The following STK35 variants were observed in gnomAD, a reference collection of about 807,000 sequenced individuals.
STK35 encodes serine/threonine kinase 35, also known as serine/threonine-protein kinase 35.
Under a neutral mutation model 37.3 loss-of-function variants are expected in STK35, and 17 were observed. That is an observed-to-expected ratio of 0.46 (90% CI 0.31 to 0.68). The LOEUF (loss-of-function observed/expected upper bound fraction) is 0.68, where lower values mean the gene tolerates loss of function less well. Ranked by LOEUF, STK35 falls within the 30% of genes least tolerant of loss-of-function variation. The probability of loss-of-function intolerance (pLI) is 0.05; values close to 1 mark genes in which losing one functional copy is unlikely to be tolerated. For synonymous variants in STK35, 385 were observed against 319.1 expected, an observed-to-expected ratio of 1.21 and a Z score of -2.20; for missense variants, 595 against 746.7, an observed-to-expected ratio of 0.80 and a Z score of 2.37.
chr20:2,132,223 C>T (rs766319155), intron 3 of STK35, among the ~76,000 whole-genome samples: 62 of 152,362 alleles, frequency 4.1e-4, no homozygotes, highest in Admixed American at 2.2e-3. Flanking sequence ...ATGCACCGCA[C>T]TGTCTCAGGG....
chr20:2,134,381 C>T (rs893499053), intron 3 of STK35, among the ~76,000 whole-genome samples: 1 of 152,128 alleles, frequency 6.6e-6, no homozygotes, highest in African/African-American at 2.4e-5. Context: ...AAGTCTGCCT[C>T]CCTCCAAACA....
In STK35 at chr20:2,117,026, C is replaced by T; in HGVS notation, c.1253C>T (p.Ser418Leu). 1 of 1,614,168 alleles carries T rather than the reference C, an allele frequency of 6.2e-7. No homozygotes were observed. Among genetic ancestry groups the T allele is most frequent in the Non-Finnish European group, 8.5e-7 (1 of 1,180,030 alleles). Residue 418 changes from serine (S) to leucine (L), a missense_variant, in exon 3 of 4, where the codon TCG (serine) becomes TTG (leucine). Around this residue, in one of 3 missense-constraint regions of STK35, gnomAD observed 109 missense variants for 280.3 expected, o/e 0.39. Coordinates refer to ENST00000381482, the MANE Select transcript of STK35 (RefSeq NM_080836.4). This position sits in a 1 kb window ranked among gnomAD's most constrained non-coding sequence, Gnocchi z 4.4. ...NKYWLSSACG[S>L]DFYMAPEVWE... ...TACTGGCTGTCCTCAGCCTGCGGTT[C>T]GGACTTCTACATGGCTCCTGAAGTC...
At chr20:2,116,202 G>A (rs1439876473) in intron 2 of STK35, among the ~76,000 whole-genome samples, 1 of 151,994 alleles carries the variant, frequency 6.6e-6, no homozygotes, top group African/African-American at 2.4e-5. Flanking sequence ...GGAAATTCTA[G>A]TGCCATTCTA....
chr20:2,136,471 T>C (rs1986088690), intron 3 of STK35, among the ~76,000 whole-genome samples: 2 of 152,216 alleles, frequency 1.3e-5, no homozygotes, highest in Admixed American at 6.5e-5. Context: ...TGCTGGAGTT[T>C]GGAGAAGTGG....
At chr20:2,133,495 T>C (rs901936116) in intron 3 of STK35, among the ~76,000 whole-genome samples, 1 of 152,218 alleles carries the variant, frequency 6.6e-6, no homozygotes, top group African/African-American at 2.4e-5. Context: ...TAGTTCCCCT[T>C]AGTTGGTGTT....
chr20:2,124,532 G>A (rs1280418388), intron 3 of STK35, among the ~76,000 whole-genome samples: 1 of 152,148 alleles, frequency 6.6e-6, no homozygotes, highest in Admixed American at 6.5e-5. Flanking sequence ...GGTCGAGGTG[G>A]TATCTCTTGA....
intron 2 of STK35, among the ~76,000 whole-genome samples, chr20:2,104,502 C>CT (rs1985476715): frequency 6.6e-6 from 1 of 152,190 alleles, no homozygotes; most frequent in Non-Finnish European, 1.5e-5. Context: ...TTTCTCAGAG[C>CT]TTAAGTGACG....
chr20:2,135,241 C>T (rs1370050340), intron 3 of STK35, among the ~76,000 whole-genome samples: 1 of 152,184 alleles, frequency 6.6e-6, no homozygotes, highest in Non-Finnish European at 1.5e-5. Flanking sequence ...GTCTGCCTTT[C>T]AGAGAATCCG....
At chr20:2,134,623 G>A (rs997950974) in intron 3 of STK35, among the ~76,000 whole-genome samples, 1 of 152,018 alleles carries the variant, frequency 6.6e-6, no homozygotes, top group African/African-American at 2.4e-5. Flanking sequence ...TGGCGCGGTG[G>A]CTCAGGCCTG....
intron 3 of STK35, among the ~76,000 whole-genome samples, chr20:2,126,527 G>C (rs2122567631): frequency 6.6e-6 from 1 of 152,266 alleles, no homozygotes; most frequent in Middle Eastern, 3.4e-3. Flanking sequence ...CTACTGTTCA[G>C]GTAGTGAAAT....
intron 3 of STK35, among the ~76,000 whole-genome samples, chr20:2,132,587 C>T (rs1986018926): frequency 6.6e-6 from 1 of 152,250 alleles, no homozygotes; most frequent in Non-Finnish European, 1.5e-5. Context: ...GAGGGGAGAA[C>T]TGTCAGTCCC....
intron 3 of STK35, among the ~76,000 whole-genome samples, chr20:2,130,806 C>T (rs1484621973): frequency 6.6e-6 from 1 of 152,160 alleles, no homozygotes. Context: ...AGGGGCGGCC[C>T]TCCAACCTTA....
At chr20:2,111,772 A>G (rs1600601865) in intron 2 of STK35, among the ~76,000 whole-genome samples, 1 of 152,324 alleles carries the variant, frequency 6.6e-6, no homozygotes, top group Non-Finnish European at 1.5e-5. Flanking sequence ...TCCACCTTAG[A>G]AGATATCCAG....
At chr20:2,107,806 G>A (rs1335895785) in intron 2 of STK35, among the ~76,000 whole-genome samples, 1 of 152,180 alleles carries the variant, frequency 6.6e-6, no homozygotes, top group Non-Finnish European at 1.5e-5. Context: ...CTGTGGCTTG[G>A]GTCTCAGAGT....
At chr20:2,122,630 T>A (rs938551696) in intron 3 of STK35, among the ~76,000 whole-genome samples, 1 of 152,206 alleles carries the variant, frequency 6.6e-6, no homozygotes, top group Admixed American at 6.5e-5. Context: ...AGTTTTATTA[T>A]CTATAAAATG....
rs10713601 is a variant in STK35 at position 2,143,958 on chromosome 20, CTT to C, written c.*223_*224del. The C allele has an allele frequency of 8.6e-3, 1,632 of 189,784 alleles. 25 individuals are homozygous for C. The highest frequency in any genetic ancestry group is 0.046 in the African/African-American group (1,352 of 29,486). The allele number at this position is 189,784 out of a possible 1,614,324, so 11.8% of individuals were successfully genotyped here. ...TGCTTTATTTTTTTCCTTTTCTTTT[CTT>C]TTTTTTTTTTCCTCTTTCCTTTTTT... On this transcript the variant is annotated 3_prime_UTR_variant, in exon 4 of 4. Transcript: ENST00000381482.
rs139967881 is a variant in STK35 at position 2,145,979 on chromosome 20, C to T, written c.*2233C>T. On this transcript the variant is annotated 3_prime_UTR_variant, in exon 4 of 4. Coordinates refer to ENST00000381482, the MANE Select transcript of STK35 (RefSeq NM_080836.4). Reference sequence around the variant, plus strand: ...AAGTTCTTGGAGCCATCGTGCTCCCCCTTTGTTATTTTTCTTGCTATCAGA... The same window carrying T: ...AAGTTCTTGGAGCCATCGTGCTCCCTCTTTGTTATTTTTCTTGCTATCAGA... 47 of 152,254 alleles carry T rather than the reference C, an allele frequency of 3.1e-4. No individual in the cohort carries two copies. The highest frequency in any genetic ancestry group is 9.1e-4 in the African/African-American group (38 of 41,538). 9.4% of individuals were successfully genotyped at this position (152,254 alleles called of 1,614,324 possible). A position where few individuals can be genotyped will look rare whatever the true frequency, so the allele number is the denominator to read the frequency against.
chr20:2,115,653 C>G (rs1279707801), intron 2 of STK35, among the ~76,000 whole-genome samples: 1 of 152,156 alleles, frequency 6.6e-6, no homozygotes, highest in Non-Finnish European at 1.5e-5. Flanking sequence ...GGTTGGTCAC[C>G]AGCTTTCCTA....
intron 1 of STK35, among the ~76,000 whole-genome samples, chr20:2,102,543 A>G (rs1007687418): frequency 1.3e-5 from 2 of 152,138 alleles, no homozygotes; most frequent in South Asian, 4.1e-4. Context: ...GCTAACAGAG[A>G]GAGCGGAGAG....
Sources: allele counts gnomAD v4.1 joint callset (sites outside exome capture counted in the v4.1 genomes callset), GRCh38; gene constraint gnomAD v4.1.1; regional missense constraint gnomAD v4.1.1; non-coding constraint Gnocchi (gnomAD v3.1); transcripts MANE v1.5; gene names NCBI Gene and HGNC (gene_info 2026-07-23, HGNC 2026-07-21).